Variants in SCAPER observed in about 807,000 individuals in gnomAD.
SCAPER encodes S phase cyclin A-associated protein in the endoplasmic reticulum.
In SCAPER, 98 loss-of-function variants were observed where a neutral mutation model predicts 182.2. That is an observed-to-expected ratio of 0.54 (90% CI 0.46 to 0.64). The LOEUF is 0.64. Ranked by LOEUF, SCAPER falls within the 30% of genes least tolerant of loss-of-function variation. The pLI is 0.00. For synonymous variants in SCAPER, 605 were observed against 564.6 expected, an observed-to-expected ratio of 1.07 and a Z score of -1.01; for missense variants, 1,432 against 1,690.0, an observed-to-expected ratio of 0.85 and a Z score of 2.68.
chr15:76,531,184 A>G (rs1035827713), intron 23 of SCAPER, among the ~76,000 whole-genome samples: 1 of 152,212 alleles, frequency 6.6e-6, no homozygotes, highest in African/African-American at 2.4e-5. Flanking sequence ...TTATGAATAT[A>G]TATTAGCAAA....
chr15:76,737,415 T>G (rs919075683), intron 15 of SCAPER, among the ~76,000 whole-genome samples: 1 of 152,248 alleles, frequency 6.6e-6, no homozygotes, highest in Non-Finnish European at 1.5e-5. Context: ...ACAGTGGATT[T>G]AAAATATTCA....
intron 5 of SCAPER, among the ~76,000 whole-genome samples, chr15:76,830,891 G>C (rs2068411562): frequency 6.6e-6 from 1 of 152,002 alleles, no homozygotes; most frequent in Non-Finnish European, 1.5e-5. Context: ...GGCTGAAGGG[G>C]AAGGAAGCTG....
chr15:76,588,419 T>C (rs1453058509), intron 22 of SCAPER, among the ~76,000 whole-genome samples: 2 of 152,236 alleles, frequency 1.3e-5, no homozygotes, highest in Non-Finnish European at 2.9e-5. Context: ...GCTACTCCTA[T>C]TCGCTTTTGG....
At chr15:76,870,328 T>C (rs1599196279) in intron 2 of SCAPER, among the ~76,000 whole-genome samples, 1 of 151,932 alleles carries the variant, frequency 6.6e-6, no homozygotes, top group East Asian at 1.9e-4. Flanking sequence ...ATGAATGTAA[T>C]CAATTATCAC....
intron 5 of SCAPER, among the ~76,000 whole-genome samples, chr15:76,818,006 G>T (rs1186937099): frequency 6.6e-6 from 1 of 152,132 alleles, no homozygotes; most frequent in African/African-American, 2.4e-5. Flanking sequence ...ATACAATTTT[G>T]AAGAACAAAG....
rs1316138543 is a variant in SCAPER, at chr15:76,510,858, TGC to T, written c.2839-5886_2839-5885del. Among the ~76,000 whole-genome samples, 254 of 133,008 alleles carry T rather than the reference TGC, an allele frequency of 1.9e-3. 1 individual carries two copies. The highest frequency in any genetic ancestry group is 4.9e-3 in the South Asian group (19 of 3,910). 87.3% of individuals were successfully genotyped at this position (133,008 alleles called of 152,430 possible). Reference sequence around the variant, plus strand: ...ATCAACAAGTGGATAAAGAAACTGGTGCGCGCGTGTGTGTGTGTGTGTGTGTG... The same window carrying T: ...ATCAACAAGTGGATAAAGAAACTGGTGCGCGTGTGTGTGTGTGTGTGTGTG... On this transcript the variant is annotated intron_variant, in intron 23 of 31. Transcript: ENST00000563290.
chr15:76,470,486 T>A (rs2050060522), intron 25 of SCAPER, among the ~76,000 whole-genome samples: 1 of 152,186 alleles, frequency 6.6e-6, no homozygotes, highest in African/African-American at 2.4e-5. Context: ...GAAGAGTTAC[T>A]AGAACTGTGT....
intron 29 of SCAPER, among the ~76,000 whole-genome samples, chr15:76,361,667 T>A (rs1046465181): frequency 2.6e-5 from 4 of 152,180 alleles, no homozygotes; most frequent in Non-Finnish European, 4.4e-5. Context: ...TAAGCAGACA[T>A]GAGAATTCAA....
chr15:76,652,154 G>T (rs1410698518), intron 21 of SCAPER, among the ~76,000 whole-genome samples: 1 of 146,804 alleles, frequency 6.8e-6, no homozygotes, highest in East Asian at 2.0e-4. Context: ...GGGCTCACGT[G>T]AGCCTGTAAT....
At chr15:76,650,391 G>A (rs1000951146) in intron 21 of SCAPER, among the ~76,000 whole-genome samples, 1 of 151,834 alleles carries the variant, frequency 6.6e-6, no homozygotes, top group Non-Finnish European at 1.5e-5. Flanking sequence ...CACAGAGTAG[G>A]TTTTAGGATA....
At chr15:76,794,046 C>T (rs767163514) in intron 8 of SCAPER, among the ~76,000 whole-genome samples, 10 of 152,188 alleles carry the variant, frequency 6.6e-5, no homozygotes, top group Non-Finnish European at 1.3e-4. Flanking sequence ...GTGTTAATTG[C>T]TGTGGCATGA....
At position 76,427,692 on chromosome 15, in the gene SCAPER, T is replaced by C. The variant is rs2046533044; in HGVS notation, c.3311+6386A>G. 2.0e-5 allele frequency among the ~76,000 whole-genome samples: 3 copies of C among 151,850 alleles called. No individual in the cohort carries two copies. In the South Asian group the frequency reaches 6.3e-4, roughly 32 times the overall value. ...GAGACCCTGTCTCTATAAAAAAAAT[T>C]AAAAAATTAGCTGGTGGGTCACCTG... is the stretch of plus-strand genomic sequence containing the variant. On this transcript the variant is annotated intron_variant, in intron 26 of 31. Coordinates refer to ENST00000563290, the MANE Select transcript of SCAPER (RefSeq NM_020843.4).
intron 7 of SCAPER, among the ~76,000 whole-genome samples, chr15:76,799,697 G>A (rs531730439): frequency 6.6e-6 from 1 of 152,022 alleles, no homozygotes; most frequent in Admixed American, 6.6e-5. Context: ...TGCCCACGAC[G>A]GCCCAGGCTT....
At chr15:76,488,743 T>TTTTTTTTTTTTTTTTTTTG (rs2051947371) in intron 24 of SCAPER, among the ~76,000 whole-genome samples, 1 of 82,696 alleles carries the variant, frequency 1.2e-5, no homozygotes, top group African/African-American at 4.4e-5. Flanking sequence ...TTTTTTTTTT[T>TTTTTTTTTTTTTTTTTTTG]GAGACGGAGT....
At chr15:76,786,679 A>G (rs2064634214) in intron 8 of SCAPER, among the ~76,000 whole-genome samples, 1 of 152,140 alleles carries the variant, frequency 6.6e-6, no homozygotes, top group Non-Finnish European at 1.5e-5. Flanking sequence ...AAACAAAATC[A>G]TAGGAAAAAA....
At chr15:76,502,809 T>C (rs916876629) in intron 24 of SCAPER, among the ~76,000 whole-genome samples, 8 of 152,204 alleles carry the variant, frequency 5.3e-5, no homozygotes, top group Admixed American at 1.3e-4. Flanking sequence ...CAGCTAGTGC[T>C]GACCAGCTGC....
chr15:76,681,473 G>A (rs1423628093), intron 20 of SCAPER, among the ~76,000 whole-genome samples: 1 of 152,206 alleles, frequency 6.6e-6, no homozygotes, highest in East Asian at 1.9e-4. Context: ...CCAACTGGAT[G>A]CAGCCAGGAG....
intron 24 of SCAPER, among the ~76,000 whole-genome samples, chr15:76,482,293 T>C (rs1186114721): frequency 6.6e-6 from 1 of 152,202 alleles, no homozygotes; most frequent in African/African-American, 2.4e-5. Context: ...TTTTATTTTT[T>C]CAGTTACCAA....
intron 23 of SCAPER, among the ~76,000 whole-genome samples, chr15:76,525,080 G>A (rs1469467633): frequency 2.6e-5 from 4 of 151,976 alleles, no homozygotes; most frequent in Admixed American, 6.6e-5. Flanking sequence ...AGATTTTCAC[G>A]GGTAGATCAA....
Sources: gnomAD v4.1 joint callset for allele counts (sites outside exome capture counted in the v4.1 genomes callset) on GRCh38, gnomAD v4.1.1 for gene constraint, MANE v1.5 for transcripts, NCBI Gene and HGNC (gene_info 2026-07-23, HGNC 2026-07-21) for gene names.